The following SH3PXD2A variants were observed in gnomAD, a reference collection of about 807,000 sequenced individuals.
SH3PXD2A encodes SH3 and PX domain-containing protein 2A.
In SH3PXD2A, 32 loss-of-function variants were observed where a neutral mutation model predicts 115.2. The ratio of observed to expected loss-of-function variants is 0.28; its 90% CI spans 0.21 to 0.37. SH3PXD2A has a LOEUF of 0.37. Ranked by LOEUF, SH3PXD2A falls within the 10% of genes least tolerant of loss-of-function variation. SH3PXD2A has a pLI of 1.00. For missense variants in SH3PXD2A, 1,328 were observed against 1,498.7 expected, an observed-to-expected ratio of 0.89 and a Z score of 1.88; for synonymous variants, 610 against 629.1, an observed-to-expected ratio of 0.97 and a Z score of 0.45.
chr10:103,705,112 G>C (rs1479338617), intron 5 of SH3PXD2A, among the ~76,000 whole-genome samples: 4 of 152,156 alleles, frequency 2.6e-5, no homozygotes, highest in Non-Finnish European at 5.9e-5. Context: ...TGCAACTACA[G>C]TGAGGGCCCT....
At chr10:103,662,248 A>T (rs2037316812) in intron 7 of SH3PXD2A, among the ~76,000 whole-genome samples, 1 of 142,762 alleles carries the variant, frequency 7.0e-6, no homozygotes, top group Non-Finnish European at 1.5e-5. Flanking sequence ...GCAGGAAGGC[A>T]GACAGGCTGG....
intron 5 of SH3PXD2A, among the ~76,000 whole-genome samples, chr10:103,710,342 T>C: frequency 6.6e-6 from 1 of 152,168 alleles, no homozygotes; most frequent in East Asian, 1.9e-4. Context: ...ACCATTGCAC[T>C]CCAACCTGGG....
At chr10:103,770,412 G>T (rs578162723) in intron 2 of SH3PXD2A, among the ~76,000 whole-genome samples, 3 of 152,128 alleles carry the variant, frequency 2.0e-5, no homozygotes, top group African/African-American at 7.2e-5. Context: ...TCACTGTGAG[G>T]CTAGTCTCAA....
At chr10:103,800,458 A>G (rs930973509) in intron 2 of SH3PXD2A, among the ~76,000 whole-genome samples, 2 of 152,252 alleles carry the variant, frequency 1.3e-5, no homozygotes, top group African/African-American at 4.8e-5. Flanking sequence ...GTGAGGTAAC[A>G]GAAGCTGAGG....
intron 1 of SH3PXD2A, among the ~76,000 whole-genome samples, chr10:103,815,843 C>T (rs1487121403): frequency 6.7e-6 from 1 of 149,572 alleles, no homozygotes; most frequent in Non-Finnish European, 1.5e-5. Context: ...GAGCTGAGAT[C>T]ATGCCATTGC....
intron 2 of SH3PXD2A, among the ~76,000 whole-genome samples, chr10:103,783,328 GTGAGAA>G (rs2038950283): frequency 6.6e-6 from 1 of 152,354 alleles, no homozygotes; most frequent in Non-Finnish European, 1.5e-5. Context: ...GGAGGTGACC[GTGAGAA>G]TGTGGAGACC....
rs375554787 is a variant in SH3PXD2A, at chr10:103,602,055, C to G, written c.3163G>C (p.Val1055Leu). ...ATGGGCTTGGGGCGCACAGGGGACA[C>G]GGGTATGCTGTTGCGCTGGGCGGGC... The part of the protein sequence containing the change: ...LLPAQRNSIP[V>L]SPVRPKPIEK... Residue 1055 changes from valine to leucine, a missense_variant, in exon 15 of 15, where the codon GTG (valine) becomes CTG (leucine). Val to Leu is a conservative substitution (Grantham distance 32, BLOSUM62 1). Coordinates refer to ENST00000369774, the MANE Select transcript of SH3PXD2A (RefSeq NM_001394015.1). The G allele has an allele frequency of 1.2e-6, 2 of 1,607,556 alleles. No individual in the cohort carries two copies. The highest frequency in any genetic ancestry group is 4.5e-5 in the East Asian group (2 of 44,820).
chr10:103,605,743 G>T lies in SH3PXD2A; in HGVS notation c.1428+55C>A, dbSNP rs75236904. On this transcript the variant is annotated intron_variant, in intron 14 of 14. Transcript: ENST00000369774. ...AGCAAGGCCTAAAATGGGAAATGCA[G>T]TAGGTTTTCCACCACAATGAGTTAA... The T allele has an allele frequency of 1.7e-3, 2,682 of 1,610,444 alleles. 42 individuals carry two copies. In the African/African-American group the frequency reaches 0.031, roughly 18 times the overall value.
chr10:103,800,482 G>A (rs1272379673), intron 2 of SH3PXD2A, among the ~76,000 whole-genome samples: 3 of 152,228 alleles, frequency 2.0e-5, no homozygotes, highest in African/African-American at 7.2e-5. Context: ...GTGCCAGAGG[G>A]AAGCAGAGAC....
At chr10:103,811,597 T>C (rs1018637863) in intron 1 of SH3PXD2A, among the ~76,000 whole-genome samples, 5 of 152,314 alleles carry the variant, frequency 3.3e-5, no homozygotes, top group Middle Eastern at 3.4e-3. Context: ...CCTGAACTCT[T>C]TGTCTTCTTT....
chr10:103,821,909 CTTT>C (rs34124305), intron 1 of SH3PXD2A, among the ~76,000 whole-genome samples: 13 of 146,854 alleles, frequency 8.9e-5, no homozygotes, highest in Admixed American at 1.3e-4. Context: ...TCTTCTTTTT[CTTT>C]TTTTTTTTTG....
At chr10:103,767,809 T>TG (rs2038771196) in intron 2 of SH3PXD2A, among the ~76,000 whole-genome samples, 1 of 127,938 alleles carries the variant, frequency 7.8e-6, no homozygotes, top group African/African-American at 3.4e-5. Flanking sequence ...ACAACTGTTT[T>TG]GTTTTTTTTT....
intron 6 of SH3PXD2A, among the ~76,000 whole-genome samples, chr10:103,674,408 A>G (rs1290620184): frequency 1.3e-5 from 2 of 152,176 alleles, no homozygotes; most frequent in Admixed American, 6.5e-5. Flanking sequence ...ACTTTAGAGG[A>G]CCTGAAACAG....
chr10:103,620,082 C>T lies in SH3PXD2A; in HGVS notation c.802+2388G>A, dbSNP rs1476673427. Among the ~76,000 whole-genome samples, 6 of 152,214 alleles carry T rather than the reference C, an allele frequency of 3.9e-5. No individual in the cohort carries two copies. The highest frequency in any genetic ancestry group is 1.4e-4 in the African/African-American group (6 of 41,448). Reference sequence around the variant, plus strand: ...GGGCCACAAACCCCATCTGGGGGCGCCAGACAAGAGGAGGCCCAGACAGAC... The same window carrying T: ...GGGCCACAAACCCCATCTGGGGGCGTCAGACAAGAGGAGGCCCAGACAGAC... On this transcript the variant is annotated intron_variant, in intron 10 of 14. Coordinates refer to ENST00000369774, the MANE Select transcript of SH3PXD2A (RefSeq NM_001394015.1). The surrounding 1 kb of genome is among the most constrained non-coding windows in gnomAD (Gnocchi z 5.3).
At chr10:103,785,424 G>A (rs1440245924) in intron 2 of SH3PXD2A, among the ~76,000 whole-genome samples, 1 of 152,130 alleles carries the variant, frequency 6.6e-6, no homozygotes, top group East Asian at 1.9e-4. Flanking sequence ...CCACTCACAG[G>A]GACTCTGAAC....
intron 3 of SH3PXD2A, among the ~76,000 whole-genome samples, chr10:103,763,141 A>G (rs945285468): frequency 1.3e-5 from 2 of 152,028 alleles, no homozygotes; most frequent in African/African-American, 2.4e-5. Context: ...TTCTGCCAGG[A>G]TTTGACTGGC....
At chr10:103,849,614 A>G (rs2134328966) in intron 1 of SH3PXD2A, among the ~76,000 whole-genome samples, 1 of 152,160 alleles carries the variant, frequency 6.6e-6, no homozygotes, top group East Asian at 1.9e-4. Flanking sequence ...TCACCTGCCC[A>G]CCTGTGACTG....
At chr10:103,762,014 C>CTTTT (rs79615908) in intron 3 of SH3PXD2A, among the ~76,000 whole-genome samples, 3 of 90,708 alleles carry the variant, frequency 3.3e-5, no homozygotes, top group East Asian at 5.8e-4. Flanking sequence ...ATCAACACGT[C>CTTTT]TTTTTTTTTT....
At chr10:103,648,064 A>G (rs573576632) in intron 8 of SH3PXD2A, among the ~76,000 whole-genome samples, 2 of 152,162 alleles carry the variant, frequency 1.3e-5, no homozygotes, top group Admixed American at 6.5e-5. Flanking sequence ...CCACATATCC[A>G]CGCAGGAAAG....
Sources: allele counts gnomAD v4.1 joint callset (sites outside exome capture counted in the v4.1 genomes callset), GRCh38; gene constraint gnomAD v4.1.1; non-coding constraint Gnocchi (gnomAD v3.1); transcripts MANE v1.5; gene names NCBI Gene and HGNC (gene_info 2026-07-23, HGNC 2026-07-21).